Variants in RIC1 observed in about 807,000 individuals in gnomAD.
RIC1 encodes RIC1 partner of RAB6A GEF complex, also known as guanine nucleotide exchange factor subunit RIC1.
In RIC1, 88 loss-of-function variants were observed where a neutral mutation model predicts 169.0. The observed-to-expected ratio is 0.52, with a 90% CI of 0.44 to 0.62. The LOEUF (loss-of-function observed/expected upper bound fraction) is 0.62, where lower values mean the gene tolerates loss of function less well. Ranked by LOEUF, RIC1 falls within the 20% of genes least tolerant of loss-of-function variation. RIC1 has a pLI of 0.00. For synonymous variants in RIC1, 790 were observed against 601.5 expected (o/e 1.31, Z -4.59); for missense variants, 1,877 against 1,725.5 (o/e 1.09, Z -1.56).
At position 5,763,690 on chromosome 9, in the gene RIC1, C is replaced by T. The variant is rs201307416; in HGVS notation, c.2663C>T (p.Ala888Val). The T allele has an allele frequency of 4.2e-5, 67 of 1,614,160 alleles. No individual in the cohort carries two copies. ...CCCGACCCTCTGCTTCCCACTGTGG[C>T]AAAATTTATCACTGAGTTCCCCCTC... ...PIPDPLLPTV[A>V]KFITEFPLFL... Residue 888 changes from alanine (A) to valine (V), a missense_variant, in exon 19 of 26, where the codon GCA becomes GTA. Transcript: ENST00000414202. The surrounding 1 kb of genome is among the most constrained non-coding windows in gnomAD (Gnocchi z 5.2).
intron 5 of RIC1, 128 bp downstream of exon 5, chr9:5,720,452 G>T: frequency 1.7e-6 from 2 of 1,159,596 alleles, no homozygotes; most frequent in East Asian, 2.4e-5. Context: ...AGTATGAGAG[G>T]CGGGGTGAGA....
At chr9:5,761,270 C>T (rs1826321444) in intron 17 of RIC1, among the ~76,000 whole-genome samples, 2 of 151,924 alleles carry the variant, frequency 1.3e-5, no homozygotes, top group African/African-American at 2.4e-5. Context: ...CCTGCCACCA[C>T]GCCCGGCTTA....
At chr9:5,767,520 T>A (rs910401213) in intron 21 of RIC1, among the ~76,000 whole-genome samples, 1 of 151,920 alleles carries the variant, frequency 6.6e-6, no homozygotes, top group Non-Finnish European at 1.5e-5. Context: ...CATATGTTTA[T>A]ATTCTTACTA....
Position 5,775,493 on chromosome 9 carries a change from T to C in RIC1, c.*1247T>C, listed in dbSNP as rs1827532819. ...AATTTGAACAAGGAATGCAATGTTA[T>C]TTTTTACAAAAAACAAACTTGTTTA... On this transcript the variant is annotated 3_prime_UTR_variant, in exon 26 of 26. Transcript: ENST00000414202. The C allele has an allele frequency of 6.6e-6, 1 of 152,178 alleles. No individual in the cohort carries two copies. Among genetic ancestry groups the C allele is most frequent in the South Asian group, 2.1e-4 (1 of 4,830 alleles). 9.4% of individuals were successfully genotyped at this position (152,178 alleles called of 1,614,324 possible). A position where few individuals can be genotyped will look rare whatever the true frequency, so the allele number is the denominator to read the frequency against.
chr9:5,671,783 A>G (rs1448023162), intron 2 of RIC1, among the ~76,000 whole-genome samples: 1 of 152,236 alleles, frequency 6.6e-6, no homozygotes. Flanking sequence ...TCATCAAGAT[A>G]TCAAGTTCTT....
chr9:5,664,249 A>C (rs1819624785), intron 2 of RIC1, among the ~76,000 whole-genome samples: 2 of 152,064 alleles, frequency 1.3e-5, no homozygotes, highest in African/African-American at 4.8e-5. Flanking sequence ...ATCTCTACTA[A>C]AAATACAAAA....
At chr9:5,777,818 T>C (rs750127854), downstream of RIC1, among the ~76,000 whole-genome samples, 9 of 152,200 alleles carry the variant, frequency 5.9e-5, no homozygotes, top group Non-Finnish European at 1.0e-4. Context: ...AATTGTATTC[T>C]AATGATCTAT....
chr9:5,655,420 C>T lies in RIC1; in HGVS notation c.145-1163C>T, dbSNP rs566921887. Among the ~76,000 whole-genome samples, 30 of 152,248 alleles carry T rather than the reference C, an allele frequency of 2.0e-4. No homozygotes were observed. In the East Asian group the frequency reaches 5.6e-3, roughly 28 times the overall value. ...GGTTCAAGTGATTCTCCTGCCTCAG[C>T]CTCCCAAATAGCTGGCATTATAGGC... is the stretch of plus-strand genomic sequence containing the variant. On this transcript the variant is annotated intron_variant, in intron 1 of 25. Transcript: ENST00000414202.
At chr9:5,646,228 G>C (rs1309543391) in intron 1 of RIC1, among the ~76,000 whole-genome samples, 1 of 152,090 alleles carries the variant, frequency 6.6e-6, no homozygotes, top group Non-Finnish European at 1.5e-5. Context: ...TTCTTTGAAA[G>C]TGTCCGTTGA....
In RIC1 at chr9:5,689,551, T is replaced by G. The variant is rs922625231; in HGVS notation, c.253-408T>G. 3.3e-5 allele frequency among the ~76,000 whole-genome samples: 5 copies of G among 152,084 alleles called. No homozygotes were observed. The South Asian group carries it at 1.0e-3, about 32-fold the overall frequency. ...AATACTGTGTAAATTTTGAGTAGAG[T>G]AAGCGTTTTGTCTTAAAGGTGTAAT... On this transcript the variant is annotated intron_variant, in intron 2 of 25. Transcript: ENST00000414202.
chr9:5,753,377 C>G (rs1447577417), intron 13 of RIC1, 139 bp downstream of exon 13: 2 of 849,884 alleles, frequency 2.4e-6, no homozygotes, highest in East Asian at 5.0e-5. Flanking sequence ...ATATTAACAT[C>G]TATAATTTTG....
intron 6 of RIC1, among the ~76,000 whole-genome samples, chr9:5,725,927 TG>T (rs199702386): frequency 6.6e-5 from 10 of 152,308 alleles, no homozygotes; most frequent in Admixed American, 3.9e-4. Flanking sequence ...GAGAGACAGT[TG>T]GTTATAATTT....
chr9:5,773,454 A>T (rs1439725746), intron 25 of RIC1, among the ~76,000 whole-genome samples: 1 of 152,224 alleles, frequency 6.6e-6, no homozygotes, highest in Admixed American at 6.5e-5. Context: ...CTTAAGGTCC[A>T]TGTGAATTTA....
intron 2 of RIC1, among the ~76,000 whole-genome samples, chr9:5,659,892 C>T (rs888547532): frequency 6.6e-6 from 1 of 152,104 alleles, no homozygotes; most frequent in Admixed American, 6.5e-5. Context: ...GGGTTTGTTG[C>T]ATAGGTAAAC....
At chr9:5,725,716 A>C (rs906743933) in intron 6 of RIC1, among the ~76,000 whole-genome samples, 12 of 151,898 alleles carry the variant, frequency 7.9e-5, no homozygotes, top group African/African-American at 2.9e-4. Flanking sequence ...ATTTCCCTCT[A>C]CACACTGCTT....
chr9:5,712,072 T>C (rs1228326451), intron 3 of RIC1, among the ~76,000 whole-genome samples: 1 of 152,168 alleles, frequency 6.6e-6, no homozygotes, highest in Non-Finnish European at 1.5e-5. Flanking sequence ...ATGATTTATA[T>C]TCCTTTGGGT....
rs894205292 is a variant in RIC1 at position 5,770,183 on chromosome 9, T to C, written c.3521T>C (p.Leu1174Pro). The change falls in exon 23 of 26, where the codon CTC becomes CCC. Residue 1174 changes from leucine to proline, a missense_variant. Physicochemically the swap from Leu to Pro is moderately conservative, Grantham distance 98. Coordinates refer to ENST00000414202, the MANE Select transcript of RIC1 (RefSeq NM_020829.4). Reference sequence around the variant, plus strand: ...AACATCCAGCGAAGTCAGAGCTGGCTCAGCAACATTGGCCCCACCCATCAT... The same window carrying C: ...AACATCCAGCGAAGTCAGAGCTGGCCCAGCAACATTGGCCCCACCCATCAT... ...ISNIQRSQSW[L>P]SNIGPTHHEI... 2.5e-6 allele frequency: 4 copies of C among 1,613,888 alleles called. No homozygotes were observed. Among genetic ancestry groups the C allele is most frequent in the South Asian group, 1.1e-5 (1 of 91,064 alleles).
At chr9:5,753,072 C>T (rs1237040336) in intron 12 of RIC1, 128 bp from the exon 13 acceptor site, 1 of 731,822 alleles carries the variant, frequency 1.4e-6, no homozygotes, top group Non-Finnish European at 2.4e-6. Context: ...ATTCCAAGTG[C>T]TCTGCTACTA....
At chr9:5,653,584 T>C (rs948503169) in intron 1 of RIC1, among the ~76,000 whole-genome samples, 21 of 150,454 alleles carry the variant, frequency 1.4e-4, no homozygotes, top group South Asian at 6.3e-4. Context: ...CCATTTATTT[T>C]TTTCTTTCTT....
Sources: gnomAD v4.1 joint callset for allele counts (sites outside exome capture counted in the v4.1 genomes callset) on GRCh38, gnomAD v4.1.1 for gene constraint, Gnocchi (gnomAD v3.1) non-coding constraint, MANE v1.5 for transcripts, NCBI Gene and HGNC (gene_info 2026-07-23, HGNC 2026-07-21) for gene names.